PLD1: variants seen among roughly 807,000 people sequenced by gnomAD.
PLD1 encodes the protein phospholipase D1.
A neutral mutation model predicts 137.1 loss-of-function variants in PLD1; 112 were observed. The observed-to-expected ratio is 0.82, with a 90% CI of 0.70 to 0.96. The LOEUF is 0.96. Among genes scored for constraint, PLD1 ranks in the 40% least tolerant of loss-of-function variants. The probability of loss-of-function intolerance (pLI) is 0.00; values close to 1 mark genes in which losing one functional copy is unlikely to be tolerated. For synonymous variants in PLD1, 431 were observed against 454.7 expected (o/e 0.95, Z 0.66); for missense variants, 1,321 against 1,342.0 (o/e 0.98, Z 0.24).
chr3:171,703,689 C>T (rs1033391693), intron 11 of PLD1, among the ~76,000 whole-genome samples: 2 of 152,090 alleles, frequency 1.3e-5, no homozygotes, highest in African/African-American at 4.8e-5. Flanking sequence ...AAGTGGAAGC[C>T]TCAATATAGA....
In PLD1 at chr3:171,603,194, G is replaced by T; in HGVS notation, c.3109C>A (p.Leu1037Met). The T allele has an allele frequency of 6.2e-7, 1 of 1,613,996 alleles. No individual in the cohort carries two copies. Among genetic ancestry groups the T allele is most frequent in the Non-Finnish European group, 8.5e-7 (1 of 1,179,868 alleles). Residue 1037 changes from leucine to methionine, a missense_variant, in exon 27 of 27, where the codon CTG becomes ATG. By Grantham distance (15) the Leu-to-Met change is conservative (BLOSUM62 2). Transcript: ENST00000351298. ...KEDPIRAEEE[L>M]KKIRGFLVQF... ...ACCAAAAATCCACGGATCTTCTTCA[G>T]TTCCTCCTCAGCTCGAATGGGATCT...
chr3:171,726,274 T>C (rs4349528), intron 6 of PLD1, among the ~76,000 whole-genome samples, 198 bp from the exon 7 acceptor site: 1 of 152,158 alleles, frequency 6.6e-6, no homozygotes, highest in South Asian at 2.1e-4. Context: ...CTACTAGATC[T>C]TCTAAATCTG....
intron 1 of PLD1, among the ~76,000 whole-genome samples, chr3:171,772,286 G>A (rs1722399366): frequency 6.6e-6 from 1 of 152,126 alleles, no homozygotes; most frequent in African/African-American, 2.4e-5. Context: ...CAATAACCAA[G>A]GTTTTTGAAC....
chr3:171,809,218 A>G (rs1724013810), intron 1 of PLD1: 1 of 152,208 alleles, frequency 6.6e-6, no homozygotes. Flanking sequence ...TCCCCAAACA[A>G]CATTTAAAGG....
At chr3:171,630,392 A>C (rs1734552630) in intron 23 of PLD1, among the ~76,000 whole-genome samples, 2 of 137,836 alleles carry the variant, frequency 1.5e-5, no homozygotes, top group Admixed American at 7.0e-5. Flanking sequence ...GTGGAGAAAT[A>C]GGAACACTTT....
intron 21 of PLD1, among the ~76,000 whole-genome samples, chr3:171,651,715 C>T (rs1238224313): frequency 6.6e-6 from 1 of 152,182 alleles, no homozygotes; most frequent in Non-Finnish European, 1.5e-5. Context: ...ACTTAGACTT[C>T]ACCCTGGGCT....
At chr3:171,763,233 T>C (rs1210168394) in intron 1 of PLD1, among the ~76,000 whole-genome samples, 3 of 151,706 alleles carry the variant, frequency 2.0e-5, no homozygotes, top group Admixed American at 2.0e-4. Context: ...TCAACTCACA[T>C]GGAAAGACAC....
chr3:171,730,166 A>G (rs1718822296), intron 6 of PLD1, among the ~76,000 whole-genome samples: 2 of 152,240 alleles, frequency 1.3e-5, no homozygotes, highest in Admixed American at 6.5e-5. Flanking sequence ...TGAGTTCTCT[A>G]CTACAGCCAG....
chr3:171,607,215 A>C lies in PLD1; in HGVS notation c.2883-1799T>G, dbSNP rs9858003. On this transcript the variant is annotated intron_variant, in intron 25 of 26. Transcript: ENST00000351298. Reference sequence around the variant, plus strand: ...AACTTTTTTTAAAAAAAGATTTAAGAGATGTTTGCACATAGACATTGGCTG... The same window carrying C: ...AACTTTTTTTAAAAAAAGATTTAAGCGATGTTTGCACATAGACATTGGCTG... Among the ~76,000 whole-genome samples the C allele has an allele frequency of 6.8e-3, 1,042 of 152,314 alleles. 11 individuals are homozygous for C. The highest frequency in any genetic ancestry group is 0.02 in the African/African-American group (824 of 41,570).
At chr3:171,688,505 G>T (rs189527956) in intron 14 of PLD1, among the ~76,000 whole-genome samples, 171 bp downstream of exon 14, 2 of 152,288 alleles carry the variant, frequency 1.3e-5, no homozygotes, top group Admixed American at 1.3e-4. Flanking sequence ...TAGCTAGGTG[G>T]GGAAGCTGGT....
intron 19 of PLD1, among the ~76,000 whole-genome samples, chr3:171,665,551 T>A (rs1049313131): frequency 2.0e-5 from 3 of 151,904 alleles, no homozygotes; most frequent in African/African-American, 7.3e-5. Context: ...AATACAAAAA[T>A]TAGCCGGGCT....
chr3:171,787,629 C>G (rs2108347662), intron 1 of PLD1, among the ~76,000 whole-genome samples: 1 of 152,076 alleles, frequency 6.6e-6, no homozygotes, highest in East Asian at 1.9e-4. Context: ...AAAATTCAGG[C>G]CATTTTTCCC....
chr3:171,615,591 G>C (rs759501838), intron 24 of PLD1, among the ~76,000 whole-genome samples: 21 of 152,286 alleles, frequency 1.4e-4, no homozygotes, highest in Admixed American at 2.6e-4. Flanking sequence ...AACAAAAAAA[G>C]AGTTTACTTC....
In PLD1 at chr3:171,622,483, A is replaced by G. The variant is rs79920919; in HGVS notation, c.2594-1963T>C. ...GTCTGCTCATATGAGGAAATCCATT[A>G]TTAGACATTATATTGATCAATCTAG... On this transcript the variant is annotated intron_variant, in intron 23 of 26. Transcript: ENST00000351298. 4.7e-4 allele frequency among the ~76,000 whole-genome samples: 71 copies of G among 152,290 alleles called. 1 individual carries two copies. In the East Asian group the frequency reaches 0.012, roughly 26 times the overall value.
Position 171,650,233 on chromosome 3 carries a change from A to C in PLD1, c.2430-5210T>G, listed in dbSNP as rs183059180. Among the ~76,000 whole-genome samples the C allele has an allele frequency of 1.7e-3, 258 of 152,302 alleles. 3 individuals are homozygous for C. Among genetic ancestry groups the C allele is most frequent in the African/African-American group, 6.0e-3 (248 of 41,576 alleles). On this transcript the variant is annotated intron_variant, in intron 21 of 26. Transcript: ENST00000351298. ...GAATCAGTCCTTTGGCCTCAAGCTG[A>C]GTTCGGGGAAAAACAGGATAGACCC...
Position 171,738,042 on chromosome 3 carries a change from T to C in PLD1, c.10A>G (p.Lys4Glu). ...GAGGTATTTACCCGTGGCTCGTTTT[T>C]CAGTGACATGTTAACTTTGGACAGA... MSLKNEPRVNTSAL... is the reference protein window; with the variant it reads MSLENEPRVNTSAL... The change falls in exon 2 of 27, where the codon AAA becomes GAA. Residue 4 changes from lysine to glutamate, a missense_variant. Lys to Glu is a moderately conservative substitution (Grantham distance 56). Transcript: ENST00000351298. The C allele has an allele frequency of 6.2e-7, 1 of 1,612,866 alleles. No individual in the cohort carries two copies. Among genetic ancestry groups the C allele is most frequent in the Non-Finnish European group, 8.5e-7 (1 of 1,179,514 alleles).
intron 1 of PLD1, among the ~76,000 whole-genome samples, chr3:171,764,933 G>GGAAAGAAAGAAAGAAA (rs151169443): frequency 4.2e-5 from 1 of 23,710 alleles, no homozygotes. Flanking sequence ...AGGAAAGAAA[G>GGAAAGAAAGAAAGAAA]GAAAGAAAGA....
chr3:171,659,800 T>C (rs1220814718), intron 20 of PLD1, among the ~76,000 whole-genome samples: 1 of 152,228 alleles, frequency 6.6e-6, no homozygotes, highest in Non-Finnish European at 1.5e-5. Context: ...TCACCTTGTC[T>C]TGTTTGTCTG....
chr3:171,685,601 G>A (rs915034818), intron 16 of PLD1, among the ~76,000 whole-genome samples: 6 of 152,136 alleles, frequency 3.9e-5, no homozygotes, highest in African/African-American at 1.4e-4. Flanking sequence ...TAGAGTCTGT[G>A]CAAAATAAAT....
Sources: allele counts gnomAD v4.1 joint callset (sites outside exome capture counted in the v4.1 genomes callset), GRCh38; gene constraint gnomAD v4.1.1; transcripts MANE v1.5; gene names NCBI Gene and HGNC (gene_info 2026-07-23, HGNC 2026-07-21).